Variants in ANKRD30A observed in about 807,000 individuals in gnomAD.
The protein encoded by ANKRD30A is ankyrin repeat domain 30A.
In ANKRD30A, 170 loss-of-function variants were observed where a neutral mutation model predicts 166.3. That is an observed-to-expected ratio of 1.02 (90% CI 0.90 to 1.16). The LOEUF (loss-of-function observed/expected upper bound fraction) is 1.16, where lower values mean the gene tolerates loss of function less well. Ranked by LOEUF, ANKRD30A falls within the 50% of genes most tolerant of loss-of-function variation. ANKRD30A has a pLI of 0.00. For synonymous variants in ANKRD30A, 564 were observed against 508.9 expected (o/e 1.11, Z -1.46); for missense variants, 1,630 against 1,518.0 (o/e 1.07, Z -1.23).
intron 31 of ANKRD30A, among the ~76,000 whole-genome samples, chr10:37,201,800 T>C (rs536581083): frequency 6.6e-6 from 1 of 152,198 alleles, no homozygotes; most frequent in African/African-American, 2.4e-5. Flanking sequence ...CTTAATGTCT[T>C]TCTCACTGGT....
chr10:37,127,748 T>A (rs1836139353), intron 1 of ANKRD30A, among the ~76,000 whole-genome samples: 1 of 152,156 alleles, frequency 6.6e-6, no homozygotes, highest in Non-Finnish European at 1.5e-5. Flanking sequence ...AATCAAATAC[T>A]GTTTTCTATC....
At chr10:37,149,752 T>A (rs1837777616) in intron 10 of ANKRD30A, 25 bp from the exon 11 acceptor site, 11 of 1,612,964 alleles carry the variant, frequency 6.8e-6, no homozygotes, top group Non-Finnish European at 9.3e-6. Flanking sequence ...TCTTTATTAA[T>A]CATTTTGCTT....
chr10:37,219,966 G>C, intron 34 of ANKRD30A, 69 bp downstream of exon 34: 3 of 1,097,646 alleles, frequency 2.7e-6, no homozygotes, highest in Non-Finnish European at 3.5e-6. Context: ...ATTTGGCCTT[G>C]GCTAAATGCT....
chr10:37,132,580 T>G (rs1301961349), intron 4 of ANKRD30A, among the ~76,000 whole-genome samples: 1 of 152,242 alleles, frequency 6.6e-6, no homozygotes, highest in Non-Finnish European at 1.5e-5. Context: ...TGTTTTTGGT[T>G]GCATTATCTT....
chr10:37,147,822 T>A (rs1171208310), intron 9 of ANKRD30A, among the ~76,000 whole-genome samples: 1 of 152,148 alleles, frequency 6.6e-6, no homozygotes, highest in Non-Finnish European at 1.5e-5. Flanking sequence ...AATAAAATAT[T>A]TTTTAGAAAA....
chr10:37,231,396 A>C, intron 34 of ANKRD30A, 65 bp from the exon 35 acceptor site: 1 of 1,370,996 alleles, frequency 7.3e-7, no homozygotes, highest in East Asian at 2.4e-5. Context: ...TTTAAATACA[A>C]GTCCTTTTCT....
In ANKRD30A at chr10:37,132,252, C is replaced by T. The variant is rs879046249; in HGVS notation, c.523C>T (p.Pro175Ser). The part of the protein sequence containing the change: ...IEVHNKASLT[P>S]LLLSITKRSE... ...TGCTATTTTACAGGCTAGCCTCACA[C>T]CACTTTTACTATCCATAACGAAAAG... The change falls in exon 4 of 36, where the codon CCA becomes TCA. Residue 175 changes from proline (P) to serine (S), a missense_variant. This residue lies in a region of ANKRD30A where 904 missense variants were observed against 818.5 expected (regional missense o/e 1.10). Coordinates refer to ENST00000361713, the MANE Select transcript of ANKRD30A (RefSeq NM_052997.3). 1.3e-6 allele frequency: 2 copies of T among 1,589,560 alleles called. No homozygotes were observed. The highest frequency in any genetic ancestry group is 1.7e-6 in the Non-Finnish European group (2 of 1,170,502).
chr10:37,264,775 A>T, the ANKRD30A span: 3 of 160,848 alleles, frequency 1.9e-5, no homozygotes, highest in Non-Finnish European at 4.1e-5. Flanking sequence ...TTCTGTCAGG[A>T]TCTATCAGGA....
At chr10:37,249,720 A>T in the ANKRD30A span, among the ~76,000 whole-genome samples, 1 of 152,192 alleles carries the variant, frequency 6.6e-6, no homozygotes, top group African/African-American at 2.4e-5. Context: ...TGAGTAGATC[A>T]GGACTTAAAG....
At chr10:37,164,518 T>A (rs2486122) in intron 17 of ANKRD30A, among the ~76,000 whole-genome samples, 1 of 152,138 alleles carries the variant, frequency 6.6e-6, no homozygotes, top group Non-Finnish European at 1.5e-5. Flanking sequence ...TGCAATAAAA[T>A]TTTTAAAGCT....
At chr10:37,230,871 G>A (rs1843383937) in intron 34 of ANKRD30A, among the ~76,000 whole-genome samples, 1 of 152,026 alleles carries the variant, frequency 6.6e-6, no homozygotes. Context: ...AAGACAGAAG[G>A]CACAGGCCCC....
At chr10:37,153,359 C>G (rs1478130616) in intron 12 of ANKRD30A, among the ~76,000 whole-genome samples, 1 of 152,080 alleles carries the variant, frequency 6.6e-6, no homozygotes, top group Non-Finnish European at 1.5e-5. Flanking sequence ...GAGTTAATGG[C>G]CACATGAATG....
intron 34 of ANKRD30A, among the ~76,000 whole-genome samples, chr10:37,226,280 C>CGGTGTG (rs1045701042): frequency 2.2e-5 from 3 of 134,560 alleles, no homozygotes; most frequent in African/African-American, 8.3e-5. Flanking sequence ...CAACAGGCCC[C>CGGTGTG]GGTGTGTGAT....
the ANKRD30A span, among the ~76,000 whole-genome samples, chr10:37,257,378 T>A: frequency 2.0e-5 from 3 of 151,722 alleles, no homozygotes; most frequent in African/African-American, 7.3e-5. Flanking sequence ...TTTTGAAGGG[T>A]TTTTTGTGTC....
chr10:37,137,794 G>C (rs1038622210), intron 6 of ANKRD30A, among the ~76,000 whole-genome samples: 3 of 152,176 alleles, frequency 2.0e-5, no homozygotes, highest in African/African-American at 7.2e-5. Context: ...CTCCACCTCT[G>C]GGGGCAGGGC....
chr10:37,199,213 C>A (rs1036844568), intron 29 of ANKRD30A, among the ~76,000 whole-genome samples: 20 of 152,162 alleles, frequency 1.3e-4, no homozygotes, highest in Non-Finnish European at 2.2e-4. Context: ...ACTGTCATAG[C>A]ATATTGAAAT....
chr10:37,263,818 A>C, the ANKRD30A span, among the ~76,000 whole-genome samples: 34 of 152,296 alleles, frequency 2.2e-4, no homozygotes, highest in African/African-American at 8.2e-4. Flanking sequence ...CCTAAGAGAC[A>C]GTGGCAATTA....
At position 37,142,056 on chromosome 10, in the gene ANKRD30A, A is replaced by C; in HGVS notation, c.1159A>C (p.Lys387Gln). The C allele has an allele frequency of 6.2e-7, 1 of 1,614,012 alleles. No individual in the cohort carries two copies. Among genetic ancestry groups the C allele is most frequent in the Non-Finnish European group, 8.5e-7 (1 of 1,179,954 alleles). The part of the protein sequence containing the change: ...KGRPRKIAWE[K>Q]KEDTPREIMS... ...AAGACCTAGGAAGATCGCATGGGAG[A>C]AAAAAGAAGACACACCTAGGGAAAT... Residue 387 changes from lysine to glutamine, a missense_variant, in exon 7 of 36, where the codon AAA (lysine) becomes CAA (glutamine). This residue lies in a region of ANKRD30A where 904 missense variants were observed against 818.5 expected (regional missense o/e 1.10). Coordinates refer to ENST00000361713, the MANE Select transcript of ANKRD30A (RefSeq NM_052997.3).
the ANKRD30A span, among the ~76,000 whole-genome samples, chr10:37,257,787 A>T: frequency 2.0e-5 from 3 of 152,192 alleles, no homozygotes; most frequent in Non-Finnish European, 4.4e-5. Context: ...ATGCAGACAT[A>T]AAAAAGAATG....
Sources: gnomAD v4.1 joint callset for allele counts (sites outside exome capture counted in the v4.1 genomes callset) on GRCh38, gnomAD v4.1.1 for gene constraint, gnomAD v4.1.1 regional missense constraint, MANE v1.5 for transcripts, NCBI Gene and HGNC (gene_info 2026-07-23, HGNC 2026-07-21) for gene names.